The following SLC30A3 variants were observed in gnomAD, a reference collection of about 807,000 sequenced individuals.
SLC30A3 encodes solute carrier family 30 member 3.
A neutral mutation model predicts 35.6 loss-of-function variants in SLC30A3; 20 were observed. The observed-to-expected ratio is 0.56, with a 90% CI of 0.39 to 0.82. The LOEUF is 0.82. Ranked by LOEUF, SLC30A3 falls within the 40% of genes least tolerant of loss-of-function variation. SLC30A3 has a pLI of 0.00. For synonymous variants in SLC30A3, 217 were observed against 224.7 expected (o/e 0.97, Z 0.31); for missense variants, 401 against 530.6 (o/e 0.76, Z 2.40).
chr2:27,256,547 C>T, intron 6 of SLC30A3, 27 bp from the exon 7 acceptor site: 6 of 1,613,540 alleles, frequency 3.7e-6, no homozygotes, highest in Non-Finnish European at 2.5e-6. Flanking sequence ...TCATGCCTTA[C>T]TGCTAGGGCT....
rs1677300461 is a variant in SLC30A3, at chr2:27,262,979, G to A, written c.-73C>T. 7.0e-7 allele frequency: 1 copy of A among 1,433,404 alleles called. No homozygotes were observed. The highest frequency in any genetic ancestry group is 1.4e-5 in the South Asian group (1 of 69,368). 88.8% of individuals were successfully genotyped at this position (1,433,404 alleles called of 1,614,324 possible). On this transcript the variant is annotated 5_prime_UTR_variant, in exon 1 of 8. Transcript: ENST00000233535. This position sits in a 1 kb window ranked among gnomAD's most constrained non-coding sequence, Gnocchi z 7.5. Reference sequence around the variant, plus strand: ...CGGGCCGGCCCCGCGCCAAGTCCGAGCAGCCCGCCGACCCCCGGGATCCCC... The same window carrying A: ...CGGGCCGGCCCCGCGCCAAGTCCGAACAGCCCGCCGACCCCCGGGATCCCC...
rs1320749969 is a variant in SLC30A3, at chr2:27,257,822, G to A, written c.578+83C>T. 1.8e-5 allele frequency: 25 copies of A among 1,366,910 alleles called. No individual in the cohort carries two copies. The highest frequency in any genetic ancestry group is 2.5e-5 in the Non-Finnish European group (25 of 987,394). 84.7% of individuals were successfully genotyped at this position (1,366,910 alleles called of 1,614,324 possible). A position where few individuals can be genotyped will look rare whatever the true frequency, so the allele number is the denominator to read the frequency against. ...TGTGCGTGTCTGTGTGTCTGGTGGG[G>A]AGGAGAGAGCCAGCTCTCCCATCCT... On this transcript the variant is annotated intron_variant, in intron 4 of 7. Transcript: ENST00000233535. The surrounding 1 kb of genome is among the most constrained non-coding windows in gnomAD (Gnocchi z 4.7).
upstream of SLC30A3, among the ~76,000 whole-genome samples, chr2:27,265,864 A>G (rs978061879): frequency 2.0e-5 from 3 of 152,060 alleles, no homozygotes; most frequent in Non-Finnish European, 4.4e-5. This position sits in a 1 kb window ranked among gnomAD's most constrained non-coding sequence, Gnocchi z 5.9. Context: ...ACTGTCCTCA[A>G]TTAAGCCATC....
At chr2:27,263,930 C>T, upstream of SLC30A3, 1 of 712,956 alleles carries the variant, frequency 1.4e-6, no homozygotes, top group South Asian at 1.4e-5. Flanking sequence ...CCATCCTCCA[C>T]ACCTGCAGCG....
chr2:27,274,037 A>T (rs893857759), intron 1 of SLC30A3, among the ~76,000 whole-genome samples: 3 of 152,146 alleles, frequency 2.0e-5, no homozygotes, highest in Non-Finnish European at 4.4e-5. Flanking sequence ...TCACGCCTTC[A>T]AGGGGGCTGG....
At chr2:27,273,271 G>A (rs549293913) in intron 1 of SLC30A3, among the ~76,000 whole-genome samples, 1 of 152,158 alleles carries the variant, frequency 6.6e-6, no homozygotes, top group African/African-American at 2.4e-5. Flanking sequence ...CTTGAAATGG[G>A]AGGGAACACG....
Position 27,258,696 on chromosome 2 carries a change from A to G in SLC30A3, c.277+57T>C, listed in dbSNP as rs2148124996. Reference sequence around the variant, plus strand: ...GGAACATTCCTGGGACTCTGGGTGGAGAGTGGCTTGGGCAGGTATTTGGAG... The same window carrying G: ...GGAACATTCCTGGGACTCTGGGTGGGGAGTGGCTTGGGCAGGTATTTGGAG... On this transcript the variant is annotated intron_variant, in intron 2 of 7. Transcript: ENST00000233535. This position sits in a 1 kb window ranked among gnomAD's most constrained non-coding sequence, Gnocchi z 4.0. The G allele has an allele frequency of 6.4e-7, 1 of 1,570,830 alleles. No individual in the cohort carries two copies. The highest frequency in any genetic ancestry group is 8.8e-7 in the Non-Finnish European group (1 of 1,142,750).
In SLC30A3 at chr2:27,256,768, A is replaced by T. The variant is rs1410667112; in HGVS notation, c.883+20T>A. 3 of 1,537,470 alleles carry T rather than the reference A, an allele frequency of 2.0e-6. No homozygotes were observed. The highest frequency in any genetic ancestry group is 3.7e-5 in the Admixed American group (2 of 54,232). ...GTCAGAGAGGGCCACAGGGATGGGGAGCTGTGGTGCCCGACTCACCTTCCA... is the reference window on the plus strand; with the variant it reads ...GTCAGAGAGGGCCACAGGGATGGGGTGCTGTGGTGCCCGACTCACCTTCCA... On this transcript the variant is annotated intron_variant, in intron 6 of 7. Coordinates refer to ENST00000233535, the MANE Select transcript of SLC30A3 (RefSeq NM_003459.5).
At chr2:27,267,200 C>G (rs755408124), upstream of SLC30A3, among the ~76,000 whole-genome samples, 3 of 152,196 alleles carry the variant, frequency 2.0e-5, no homozygotes, top group African/African-American at 7.2e-5. Context: ...GTCAGCAAAT[C>G]CTGATCCCGC....
At chr2:27,256,227 T>G in intron 7 of SLC30A3, 159 bp downstream of exon 7, 2 of 541,550 alleles carry the variant, frequency 3.7e-6, no homozygotes, top group South Asian at 2.7e-5. Context: ...CGCACGTGCA[T>G]GTGTGTGTGT....
chr2:27,255,275 C>T lies in SLC30A3; in HGVS notation c.*37G>A, dbSNP rs1676775446. ...CAGATGCTGAGAGTCTGGGGCTGAG[C>T]CTCGGCCTGGCAGTGGGGTGAGGGC... is the stretch of plus-strand genomic sequence containing the variant. On this transcript the variant is annotated 3_prime_UTR_variant, in exon 8 of 8. Transcript: ENST00000233535. The surrounding 1 kb of genome is among the most constrained non-coding windows in gnomAD (Gnocchi z 5.2). 2 of 1,611,556 alleles carry T rather than the reference C, an allele frequency of 1.2e-6. No homozygotes were observed. The highest frequency in any genetic ancestry group is 2.2e-5 in the East Asian group (1 of 44,834).
At chr2:27,265,408 A>C, upstream of SLC30A3, among the ~76,000 whole-genome samples, 1 of 152,248 alleles carries the variant, frequency 6.6e-6, no homozygotes, top group East Asian at 1.9e-4. This position sits in a 1 kb window ranked among gnomAD's most constrained non-coding sequence, Gnocchi z 5.9. Flanking sequence ...TCAAAGAGCT[A>C]TCAAATGGCC....
In SLC30A3 at chr2:27,258,642, A is replaced by G. The variant is rs1572473418; in HGVS notation, c.277+111T>C. On this transcript the variant is annotated intron_variant, in intron 2 of 7. Transcript: ENST00000233535. This position sits in a 1 kb window ranked among gnomAD's most constrained non-coding sequence, Gnocchi z 4.0. ...CCTGGGCACCCAGCTCCCCTATCCC[A>G]GCCATCCCCATCTCTGCATCTGCAC... 4.1e-6 allele frequency: 5 copies of G among 1,215,092 alleles called. No homozygotes were observed. The Admixed American group carries it at 9.2e-5, about 22-fold the overall frequency. The allele number at this position is 1,215,092 out of a possible 1,614,324, so 75.3% of individuals were successfully genotyped here.
chr2:27,254,800 AG>A lies in SLC30A3; in HGVS notation c.*511del. The stretch of plus-strand genomic sequence containing the variant: ...CACACACACACACACACACACACAC[AG>A]ACAAAACCACAGGGCTAAGACACAC... On this transcript the variant is annotated 3_prime_UTR_variant, in exon 8 of 8. Coordinates refer to ENST00000233535, the MANE Select transcript of SLC30A3 (RefSeq NM_003459.5). 1 of 277,030 alleles carries A rather than the reference AG, an allele frequency of 3.6e-6. No homozygotes were observed. Among genetic ancestry groups the A allele is most frequent in the Non-Finnish European group, 6.9e-6 (1 of 143,892 alleles). 17.2% of individuals were successfully genotyped at this position (277,030 alleles called of 1,614,324 possible).
intron 1 of SLC30A3, among the ~76,000 whole-genome samples, chr2:27,274,746 G>A (rs1294274726): frequency 6.6e-6 from 1 of 151,800 alleles, no homozygotes; most frequent in Non-Finnish European, 1.5e-5. Flanking sequence ...TGTATCCTTA[G>A]GAAAAAAAAT....
At chr2:27,263,255 G>A (rs1342441313), upstream of SLC30A3, 4 of 500,266 alleles carry the variant, frequency 8.0e-6, no homozygotes, top group South Asian at 1.8e-5. Flanking sequence ...CCACAGCCCC[G>A]TCCCCCAGGC....
upstream of SLC30A3, chr2:27,263,086 C>G (rs373071397): frequency 2.2e-6 from 3 of 1,348,448 alleles, no homozygotes; most frequent in Non-Finnish European, 2.8e-6. Context: ...CCGCTGCCGC[C>G]GGAGCCCCGC....
intron 1 of SLC30A3, among the ~76,000 whole-genome samples, chr2:27,260,444 A>G (rs1677124314): frequency 1.3e-5 from 2 of 152,218 alleles, no homozygotes; most frequent in African/African-American, 4.8e-5. Context: ...TGGGGATGCC[A>G]GAGGCTGAGT....
Position 27,257,766 on chromosome 2 carries a change from G to T in SLC30A3, c.578+139C>A. 2 of 857,206 alleles carry T rather than the reference G, an allele frequency of 2.3e-6. No homozygotes were observed. Among genetic ancestry groups the T allele is most frequent in the Non-Finnish European group, 3.6e-6 (2 of 553,230 alleles). 53.1% of individuals were successfully genotyped at this position (857,206 alleles called of 1,614,324 possible). On this transcript the variant is annotated intron_variant, in intron 4 of 7. Coordinates refer to ENST00000233535, the MANE Select transcript of SLC30A3 (RefSeq NM_003459.5). The surrounding 1 kb of genome is among the most constrained non-coding windows in gnomAD (Gnocchi z 4.7). The stretch of plus-strand genomic sequence containing the variant: ...GGTCTCTATCCCAGACCCTTCTCAG[G>T]CACACGCAGGGCAGCCCATGGAGAG...
Sources: allele counts gnomAD v4.1 joint callset (sites outside exome capture counted in the v4.1 genomes callset), GRCh38; gene constraint gnomAD v4.1.1; non-coding constraint Gnocchi (gnomAD v3.1); transcripts MANE v1.5; gene names NCBI Gene and HGNC (gene_info 2026-07-23, HGNC 2026-07-21).